The following DGKI variants were observed in gnomAD, a reference collection of about 807,000 sequenced individuals.
The protein encoded by DGKI is diacylglycerol kinase iota.
In DGKI, 55 loss-of-function variants were observed where a neutral mutation model predicts 147.5. That is an observed-to-expected ratio of 0.37 (90% CI 0.30 to 0.47). The LOEUF (loss-of-function observed/expected upper bound fraction) is 0.47. DGKI is among the 20% of genes least tolerant of loss of function. The pLI, the probability that DGKI is intolerant of heterozygous loss-of-function variation, is 1.00. For synonymous variants in DGKI, 469 were observed against 477.1 expected, an observed-to-expected ratio of 0.98 and a Z score of 0.22; for missense variants, 1,007 against 1,323.8, an observed-to-expected ratio of 0.76 and a Z score of 3.71.
chr7:137,405,671 G>A (rs1426204508), intron 30 of DGKI, among the ~76,000 whole-genome samples: 1 of 152,130 alleles, frequency 6.6e-6, no homozygotes, highest in African/African-American at 2.4e-5. Context: ...GAATGCAGTA[G>A]AGATCATCCA....
intron 1 of DGKI, among the ~76,000 whole-genome samples, chr7:137,820,571 T>C (rs796938664): frequency 7.2e-5 from 11 of 152,200 alleles, no homozygotes; most frequent in African/African-American, 2.6e-4. Flanking sequence ...ATGGATGGGC[T>C]CTCTTGTTTC....
chr7:137,548,766 G>A (rs1161616188), intron 20 of DGKI, among the ~76,000 whole-genome samples: 1 of 152,258 alleles, frequency 6.6e-6, no homozygotes, highest in East Asian at 1.9e-4. Context: ...CCAGGACTTC[G>A]AGACCAGCCT....
chr7:137,652,236 A>ATT (rs1429303787), intron 5 of DGKI, among the ~76,000 whole-genome samples: 1 of 152,222 alleles, frequency 6.6e-6, no homozygotes. Context: ...TGATAAGAAG[A>ATT]CAAGGGAGAA....
At chr7:137,766,805 C>T (rs1030344836) in intron 1 of DGKI, among the ~76,000 whole-genome samples, 6 of 152,182 alleles carry the variant, frequency 3.9e-5, no homozygotes, top group East Asian at 1.9e-4. Context: ...TGAAAGTCAA[C>T]ACCCACAATG....
rs547506440 is a variant in DGKI, at chr7:137,844,954, G to A, written c.401+1508C>T. Among the ~76,000 whole-genome samples, 346 of 152,282 alleles carry A rather than the reference G, an allele frequency of 2.3e-3. 1 individual carries two copies. The highest frequency in any genetic ancestry group is 4.0e-3 in the Non-Finnish European group (271 of 68,018). ...GAATGTAGTCCCTGTTCCCCCAGGG[G>A]CCAGACGGGCCATCATAACTAGGAA... On this transcript the variant is annotated intron_variant, in intron 1 of 32. Transcript: ENST00000614521.
chr7:137,549,350 G>A (rs962485189), intron 20 of DGKI, among the ~76,000 whole-genome samples: 6 of 152,158 alleles, frequency 3.9e-5, no homozygotes, highest in African/African-American at 1.4e-4. Context: ...ACCACAAGGA[G>A]CACTGGCATC....
chr7:137,505,948 C>A (rs536174874), intron 21 of DGKI, among the ~76,000 whole-genome samples: 36 of 149,908 alleles, frequency 2.4e-4, no homozygotes, highest in South Asian at 2.4e-3. Flanking sequence ...TTAAAAAAAA[C>A]CACCACCACC....
intron 1 of DGKI, among the ~76,000 whole-genome samples, chr7:137,772,934 G>A (rs1796251554): frequency 6.6e-6 from 1 of 152,194 alleles, no homozygotes; most frequent in Admixed American, 6.6e-5. Context: ...GGGGTGGAGA[G>A]AGGAAGGGTG....
chr7:137,586,991 C>A (rs1010499269), intron 13 of DGKI, 106 bp downstream of exon 13: 3 of 814,432 alleles, frequency 3.7e-6, no homozygotes, highest in African/African-American at 3.5e-5. Context: ...CTAACTTATG[C>A]CTGGGACAGC....
At chr7:137,654,402 G>T (rs1027460673) in intron 5 of DGKI, among the ~76,000 whole-genome samples, 2 of 152,152 alleles carry the variant, frequency 1.3e-5, no homozygotes. Flanking sequence ...CATGGCAACA[G>T]AGCGACACTC....
chr7:137,424,646 G>C (rs796193519), intron 28 of DGKI, among the ~76,000 whole-genome samples: 4 of 152,328 alleles, frequency 2.6e-5, no homozygotes, highest in African/African-American at 9.6e-5. Flanking sequence ...AGAGAAAGGG[G>C]TGACAGACGG....
In DGKI at chr7:137,382,298, AAGTGAAT is replaced by A. The variant is rs1366088152; in HGVS notation, c.*8915_*8921del. 2.6e-5 allele frequency: 4 copies of A among 151,088 alleles called. No individual in the cohort carries two copies. Among genetic ancestry groups the A allele is most frequent in the Non-Finnish European group, 5.9e-5 (4 of 67,840 alleles). The allele number at this position is 151,088 out of a possible 1,614,324, so 9.4% of individuals were successfully genotyped here. On this transcript the variant is annotated 3_prime_UTR_variant, in exon 33 of 33. Transcript: ENST00000614521. ...ACAAGGTCACAGTCTCTGAATTTTT[AAGTGAAT>A]ATATTGAGATTTGTGGGAAAAAACC...
At chr7:137,664,985 A>G (rs1563139769) in intron 3 of DGKI, among the ~76,000 whole-genome samples, 1 of 150,282 alleles carries the variant, frequency 6.7e-6, no homozygotes, top group Non-Finnish European at 1.5e-5. Context: ...CCACGTGGAT[A>G]TCTGGCGGAA....
chr7:137,483,026 G>A (rs1254199002), intron 23 of DGKI, among the ~76,000 whole-genome samples: 1 of 152,064 alleles, frequency 6.6e-6, no homozygotes, highest in Non-Finnish European at 1.5e-5. Context: ...TTGACTGTAA[G>A]TAAACAAAAT....
rs973240355 is a variant in DGKI at position 137,646,073 on chromosome 7, G to C, written c.739-536C>G. Reference sequence around the variant, plus strand: ...TTGAGCTGGGAGGTAACTGAGGCAGGTAAAAGAAATACCCAAACAAAAGTG... The same window carrying C: ...TTGAGCTGGGAGGTAACTGAGGCAGCTAAAAGAAATACCCAAACAAAAGTG... On this transcript the variant is annotated intron_variant, in intron 5 of 32. Coordinates refer to ENST00000614521, the MANE Select transcript of DGKI (RefSeq NM_001321708.2). 7.2e-5 allele frequency among the ~76,000 whole-genome samples: 11 copies of C among 152,140 alleles called. 1 individual carries two copies. Among genetic ancestry groups the C allele is most frequent in the African/African-American group, 2.7e-4 (11 of 41,430 alleles).
chr7:137,564,756 CATT>C (rs1398413357), intron 19 of DGKI, among the ~76,000 whole-genome samples: 1 of 152,180 alleles, frequency 6.6e-6, no homozygotes, highest in Non-Finnish European at 1.5e-5. Flanking sequence ...ATTTAAACAT[CATT>C]TATGTCTGTA....
intron 7 of DGKI, among the ~76,000 whole-genome samples, chr7:137,622,192 G>A (rs1435188595): frequency 1.3e-5 from 2 of 151,788 alleles, no homozygotes; most frequent in East Asian, 3.9e-4. Context: ...CTGACATGTA[G>A]GAGGCTAGAG....
intron 28 of DGKI, among the ~76,000 whole-genome samples, chr7:137,415,740 A>G (rs1731966): frequency 0.94 from 142,565 of 152,056 alleles, 67,505 homozygotes; most frequent in East Asian, 1. Context: ...CCAGCACTTC[A>G]GGAGGCCAAG....
At position 137,646,345 on chromosome 7, in the gene DGKI, A is replaced by G. The variant is rs556002278; in HGVS notation, c.739-808T>C. Among the ~76,000 whole-genome samples, 4 of 152,364 alleles carry G rather than the reference A, an allele frequency of 2.6e-5. No individual in the cohort carries two copies. The South Asian group carries it at 6.2e-4, about 24-fold the overall frequency. ...AAGGACAAGAGATACAAGCATATCAATGATGTTTTTGCAATGGTATTGTGT... is the reference window on the plus strand; with the variant it reads ...AAGGACAAGAGATACAAGCATATCAGTGATGTTTTTGCAATGGTATTGTGT... On this transcript the variant is annotated intron_variant, in intron 5 of 32. Coordinates refer to ENST00000614521, the MANE Select transcript of DGKI (RefSeq NM_001321708.2).
Sources: gnomAD v4.1 joint callset for allele counts (sites outside exome capture counted in the v4.1 genomes callset) on GRCh38, gnomAD v4.1.1 for gene constraint, MANE v1.5 for transcripts, NCBI Gene and HGNC (gene_info 2026-07-23, HGNC 2026-07-21) for gene names.